The following CNTNAP2 variants were observed in gnomAD, a reference collection of about 807,000 sequenced individuals.
CNTNAP2 encodes the protein contactin-associated protein-like 2.
CNTNAP2 carries 98 observed loss-of-function variants against 155.2 expected under a neutral mutation model. The ratio of observed to expected loss-of-function variants is 0.63; its 90% CI spans 0.54 to 0.75. The LOEUF (loss-of-function observed/expected upper bound fraction) is 0.75. Among genes scored for constraint, CNTNAP2 ranks in the 30% least tolerant of loss-of-function variants. CNTNAP2 has a pLI of 0.00. For synonymous variants in CNTNAP2, 651 were observed against 631.2 expected, an observed-to-expected ratio of 1.03 and a Z score of -0.47; for missense variants, 1,727 against 1,688.1, an observed-to-expected ratio of 1.02 and a Z score of -0.40.
intron 16 of CNTNAP2, among the ~76,000 whole-genome samples, chr7:148,135,870 G>A: frequency 7.8e-6 from 1 of 128,560 alleles, no homozygotes; most frequent in Non-Finnish European, 1.7e-5. Context: ...GGAGGGGAGG[G>A]GGGGAAGGGA....
chr7:147,922,140 T>A (rs538269535), intron 14 of CNTNAP2, among the ~76,000 whole-genome samples: 36 of 152,334 alleles, frequency 2.4e-4, no homozygotes, highest in Non-Finnish European at 3.8e-4. Flanking sequence ...TAAATACGCA[T>A]GTCGATGCAA....
At chr7:148,392,949 A>G (rs1440303202) in intron 22 of CNTNAP2, among the ~76,000 whole-genome samples, 1 of 152,108 alleles carries the variant, frequency 6.6e-6, no homozygotes, top group Admixed American at 6.6e-5. Context: ...CACATCGGAC[A>G]CTTTACCACT....
At position 146,448,355 on chromosome 7, in the gene CNTNAP2, T is replaced by G. The variant is rs1300864121; in HGVS notation, c.98-325916T>G. On this transcript the variant is annotated intron_variant, in intron 1 of 23. Coordinates refer to ENST00000361727, the MANE Select transcript of CNTNAP2 (RefSeq NM_014141.6). The stretch of plus-strand genomic sequence containing the variant: ...CTTCCAGCTCAAAATATTTCCCCTA[T>G]ACTCTGTAATTTCAGAAGGGGGATA... Among the ~76,000 whole-genome samples, 6 of 152,096 alleles carry G rather than the reference T, an allele frequency of 3.9e-5. No homozygotes were observed. In the East Asian group the frequency reaches 9.6e-4, roughly 24 times the overall value.
chr7:146,794,081 C>T (rs1371051551), intron 2 of CNTNAP2, among the ~76,000 whole-genome samples: 3 of 152,122 alleles, frequency 2.0e-5, no homozygotes, highest in Non-Finnish European at 2.9e-5. Flanking sequence ...AAGCAAATCC[C>T]TTTTGATGCA....
chr7:147,724,993 G>GC (rs1796621029), intron 13 of CNTNAP2, among the ~76,000 whole-genome samples: 1 of 151,980 alleles, frequency 6.6e-6, no homozygotes, highest in Non-Finnish European at 1.5e-5. Context: ...CAAAGGGACG[G>GC]CCATTCTGTC....
chr7:146,646,362 A>G (rs1487062101), intron 1 of CNTNAP2, among the ~76,000 whole-genome samples: 4 of 152,178 alleles, frequency 2.6e-5, no homozygotes, highest in Non-Finnish European at 4.4e-5. Context: ...TTATGTGTAT[A>G]TAAATTAGAA....
chr7:146,495,711 T>C (rs1337973254), intron 1 of CNTNAP2, among the ~76,000 whole-genome samples: 1 of 152,188 alleles, frequency 6.6e-6, no homozygotes, highest in Admixed American at 6.5e-5. Flanking sequence ...GTTGTTGTTG[T>C]TATTTCTATT....
intron 8 of CNTNAP2, among the ~76,000 whole-genome samples, chr7:147,265,961 G>A (rs1804598079): frequency 6.6e-6 from 1 of 152,068 alleles, no homozygotes; most frequent in South Asian, 2.1e-4. Context: ...CAACAAAAAA[G>A]TCCCCACAAA....
chr7:147,597,003 G>T (rs1800837533), intron 12 of CNTNAP2, among the ~76,000 whole-genome samples: 1 of 152,058 alleles, frequency 6.6e-6, no homozygotes, highest in South Asian at 2.1e-4. Flanking sequence ...CAGTTCCAGG[G>T]AATTGCCCAC....
rs1795925921 is a variant in CNTNAP2 at position 147,680,137 on chromosome 7, T to G, written c.2098+40831T>G. Among the ~76,000 whole-genome samples the G allele has an allele frequency of 2.0e-5, 3 of 151,704 alleles. No individual in the cohort carries two copies. The South Asian group carries it at 6.2e-4, about 31-fold the overall frequency. On this transcript the variant is annotated intron_variant, in intron 13 of 23. Transcript: ENST00000361727. ...GGATATTTTATTAGACTTGCACAGA[T>G]CAGAAACAAAAAATGTGCACACAGG...
At chr7:146,134,318 A>T (rs1381276507) in intron 1 of CNTNAP2, among the ~76,000 whole-genome samples, 1 of 144,086 alleles carries the variant, frequency 6.9e-6, no homozygotes, top group East Asian at 2.1e-4. Context: ...GGGCTGAGAC[A>T]ATGGGGTTTT....
intron 13 of CNTNAP2, among the ~76,000 whole-genome samples, chr7:147,651,259 G>A (rs1010540121): frequency 1.3e-5 from 2 of 152,216 alleles, no homozygotes; most frequent in African/African-American, 2.4e-5. Flanking sequence ...ATGTCCACAG[G>A]AGGTAGTTCT....
intron 13 of CNTNAP2, among the ~76,000 whole-genome samples, chr7:147,741,378 G>T (rs1796953924): frequency 6.6e-6 from 1 of 152,226 alleles, no homozygotes; most frequent in Admixed American, 6.5e-5. Flanking sequence ...CTGGGTTGCA[G>T]TTTAATCCAT....
At position 146,623,401 on chromosome 7, in the gene CNTNAP2, TA is replaced by T. The variant is rs374235753; in HGVS notation, c.98-150863del. ...ATCATATAGAATAGTTCCAATGCCC[TA>T]AAAAAATGCCCTGTGCTTTGCCCAC... On this transcript the variant is annotated intron_variant, in intron 1 of 23. Transcript: ENST00000361727. Among the ~76,000 whole-genome samples, 312 of 152,162 alleles carry T rather than the reference TA, an allele frequency of 2.1e-3. 2 individuals carry two copies. Among genetic ancestry groups the T allele is most frequent in the African/African-American group, 5.8e-3 (240 of 41,520 alleles).
intron 9 of CNTNAP2, among the ~76,000 whole-genome samples, chr7:147,385,751 T>A (rs1796615783): frequency 6.6e-6 from 1 of 152,196 alleles, no homozygotes; most frequent in African/African-American, 2.4e-5. Context: ...CAGTGCAAGC[T>A]GTAGGTGGAT....
chr7:147,384,123 G>A (rs1796588905), intron 9 of CNTNAP2, among the ~76,000 whole-genome samples: 1 of 152,158 alleles, frequency 6.6e-6, no homozygotes, highest in Non-Finnish European at 1.5e-5. Flanking sequence ...TGGTTTTCCT[G>A]AGATGCATAG....
chr7:147,195,211 G>A (rs1802763650), intron 8 of CNTNAP2, among the ~76,000 whole-genome samples: 1 of 152,118 alleles, frequency 6.6e-6, no homozygotes, highest in Non-Finnish European at 1.5e-5. Flanking sequence ...TGGCAGGTTT[G>A]TCAAAGATCA....
intron 11 of CNTNAP2, among the ~76,000 whole-genome samples, chr7:147,517,329 A>G (rs543649282): frequency 6.6e-6 from 1 of 152,298 alleles, no homozygotes; most frequent in African/African-American, 2.4e-5. Flanking sequence ...GCAAGTACGA[A>G]TACTCCTACT....
intron 12 of CNTNAP2, among the ~76,000 whole-genome samples, chr7:147,567,423 A>T (rs959589789): frequency 3.9e-5 from 6 of 152,192 alleles, no homozygotes; most frequent in African/African-American, 1.4e-4. Context: ...TTGTATATTA[A>T]AAACATCACT....
Sources: gnomAD v4.1 joint callset for allele counts (sites outside exome capture counted in the v4.1 genomes callset) on GRCh38, gnomAD v4.1.1 for gene constraint, MANE v1.5 for transcripts, NCBI Gene and HGNC (gene_info 2026-07-23, HGNC 2026-07-21) for gene names.